PCDHA6: variants seen among roughly 807,000 people sequenced by gnomAD.
PCDHA6 encodes protocadherin alpha 6.
PCDHA6 carries 55 observed loss-of-function variants against 60.3 expected under a neutral mutation model. The ratio of observed to expected loss-of-function variants is 0.91; its 90% CI spans 0.73 to 1.14. The LOEUF (loss-of-function observed/expected upper bound fraction) is 1.14. Ranked by LOEUF, PCDHA6 falls within the 50% of genes most tolerant of loss-of-function variation. The pLI, the probability that PCDHA6 is intolerant of heterozygous loss-of-function variation, is 0.00. For synonymous variants in PCDHA6, 652 were observed against 557.9 expected (o/e 1.17, Z -2.38); for missense variants, 1,327 against 1,256.5 (o/e 1.06, Z -0.85).
At chr5:140,900,695 C>T (rs889860103) in intron 1 of PCDHA6, among the ~76,000 whole-genome samples, 4 of 152,170 alleles carry the variant, frequency 2.6e-5, no homozygotes, top group Non-Finnish European at 5.9e-5. Context: ...TACTGATTTC[C>T]GTTCTTTTGG....
At chr5:140,870,849 G>A (rs2052464243) in intron 1 of PCDHA6, 2 of 1,613,878 alleles carry the variant, frequency 1.2e-6, no homozygotes, top group Non-Finnish European at 1.7e-6. Context: ...TAGTACCGCG[G>A]TCGGTGGGTG....
At chr5:140,877,522 G>T in intron 1 of PCDHA6, 1 of 1,613,798 alleles carries the variant, frequency 6.2e-7, no homozygotes, top group Non-Finnish European at 8.5e-7. Context: ...GCGGGCCTCA[G>T]TGGGCGCTGT....
intron 1 of PCDHA6, chr5:140,877,954 T>C: frequency 7.5e-7 from 1 of 1,334,236 alleles, no homozygotes; most frequent in Non-Finnish European, 9.8e-7. Context: ...ATCGAATGTC[T>C]CATCTTTCTT....
intron 3 of PCDHA6, among the ~76,000 whole-genome samples, chr5:141,006,952 A>G (rs2098296225): frequency 1.3e-5 from 2 of 152,212 alleles, no homozygotes; most frequent in South Asian, 4.1e-4. Flanking sequence ...ATAGGCAGTT[A>G]TACATGAGAT....
At chr5:140,867,473 G>A (rs2049977371) in intron 1 of PCDHA6, 1 of 151,968 alleles carries the variant, frequency 6.6e-6, no homozygotes, top group Non-Finnish European at 1.5e-5. Flanking sequence ...ACAACATTGG[G>A]AAAAGAGTAA....
intron 1 of PCDHA6, chr5:140,842,446 C>G: frequency 6.2e-7 from 1 of 1,613,788 alleles, no homozygotes; most frequent in Non-Finnish European, 8.5e-7. Flanking sequence ...TTAGCGTGAA[C>G]GACCTCGATT....
At chr5:140,856,003 T>G (rs1554148087) in intron 1 of PCDHA6, 3 of 1,536,896 alleles carry the variant, frequency 2.0e-6, no homozygotes, top group Non-Finnish European at 2.6e-6. Flanking sequence ...CGTATGTGCG[T>G]TCTAGACCGC....
chr5:140,919,648 G>A (rs1482168238), intron 1 of PCDHA6, among the ~76,000 whole-genome samples: 7 of 151,936 alleles, frequency 4.6e-5, no homozygotes, highest in Non-Finnish European at 7.4e-5. Flanking sequence ...TTTCTCTAGA[G>A]TTTACCATAT....
intron 1 of PCDHA6, among the ~76,000 whole-genome samples, chr5:140,917,793 G>A (rs1405580492): frequency 6.6e-6 from 1 of 152,082 alleles, no homozygotes; most frequent in African/African-American, 2.4e-5. Flanking sequence ...TTTGGTTACT[G>A]TAGCCTTGCA....
intron 3 of PCDHA6, among the ~76,000 whole-genome samples, chr5:140,994,021 G>A (rs1160447092): frequency 6.6e-6 from 1 of 152,140 alleles, no homozygotes; most frequent in Non-Finnish European, 1.5e-5. Context: ...AGGTGATGCA[G>A]ATATAATATT....
intron 1 of PCDHA6, chr5:140,864,231 T>C (rs949424981): frequency 6.6e-6 from 1 of 152,222 alleles, no homozygotes; most frequent in East Asian, 1.9e-4. Flanking sequence ...AAGCAAGTTC[T>C]TTATTCCTAT....
rs28619398 is a variant in PCDHA6 at position 140,895,037 on chromosome 5, C to T, written c.2394+64552C>T. 4.7e-3 allele frequency among the ~76,000 whole-genome samples: 720 copies of T among 152,250 alleles called. 7 individuals are homozygous for T. The highest frequency in any genetic ancestry group is 0.016 in the African/African-American group (670 of 41,558). ...TTTTCCTTTGTTTAATTGTCCCCCA[C>T]CCACACCATTCTGCTTCATATGGAC... is the stretch of plus-strand genomic sequence containing the variant. On this transcript the variant is annotated intron_variant, in intron 1 of 3. Transcript: ENST00000529310.
chr5:140,929,694 A>G, intron 1 of PCDHA6: 1 of 270,028 alleles, frequency 3.7e-6, no homozygotes, highest in Non-Finnish European at 7.3e-6. Flanking sequence ...AGTCTGCTTT[A>G]TATGAATATA....
At chr5:140,837,263 G>C (rs2150274412) in intron 1 of PCDHA6, 1 of 152,030 alleles carries the variant, frequency 6.6e-6, no homozygotes, top group East Asian at 1.9e-4. Flanking sequence ...TATCATATTT[G>C]TGTAGCACTG....
chr5:140,877,396 G>T (rs781989521), intron 1 of PCDHA6: 43 of 1,613,834 alleles, frequency 2.7e-5, no homozygotes, highest in South Asian at 1.8e-4. Context: ...TGAGGCGGAC[G>T]CTCCGCGCCA....
intron 1 of PCDHA6, chr5:140,877,503 G>A (rs1056644080): frequency 3.6e-5 from 58 of 1,613,716 alleles, no homozygotes; most frequent in Non-Finnish European, 4.8e-5. Context: ...AGGCCCCAAA[G>A]ACGTCGTCGC....
chr5:140,830,566 T>C (rs1771135529), intron 1 of PCDHA6, 81 bp downstream of exon 1: 2 of 961,386 alleles, frequency 2.1e-6, no homozygotes, highest in South Asian at 6.5e-5. Context: ...TCTATATTTC[T>C]GTTTTTAATT....
At chr5:140,841,378 G>A in intron 1 of PCDHA6, 1 of 1,613,450 alleles carries the variant, frequency 6.2e-7, no homozygotes, top group Non-Finnish European at 8.5e-7. Context: ...TCTTGCTTCT[G>A]CTCCTCGCAG....
rs782676713 is a variant in PCDHA6 at position 140,968,215 on chromosome 5, G to A, written c.2395-10734G>A. 3 of 1,613,862 alleles carry A rather than the reference G, an allele frequency of 1.9e-6. 1 individual carries two copies. The highest frequency in any genetic ancestry group is 2.5e-6 in the Non-Finnish European group (3 of 1,180,046). On this transcript the variant is annotated intron_variant, in intron 1 of 3. Transcript: ENST00000529310. ...CCATCTACATACAGGAGAACAATTT[G>A]CCAGGTGTGTTGCTCTGTACTGTGC... is the stretch of plus-strand genomic sequence containing the variant.
Sources: gnomAD v4.1 joint callset for allele counts (sites outside exome capture counted in the v4.1 genomes callset) on GRCh38, gnomAD v4.1.1 for gene constraint, MANE v1.5 for transcripts, NCBI Gene and HGNC (gene_info 2026-07-23, HGNC 2026-07-21) for gene names.